ARID4B: variants seen among roughly 807,000 people sequenced by gnomAD.
ARID4B encodes AT-rich interactive domain-containing protein 4B.
In ARID4B, 26 loss-of-function variants were observed where a neutral mutation model predicts 147.5. The ratio of observed to expected loss-of-function variants is 0.18; its 90% CI spans 0.13 to 0.24. ARID4B has a LOEUF of 0.24. Ranked by LOEUF, ARID4B falls within the 10% of genes least tolerant of loss-of-function variation. ARID4B has a pLI of 1.00. For synonymous variants in ARID4B, 512 were observed against 507.9 expected, an observed-to-expected ratio of 1.01 and a Z score of -0.11; for missense variants, 1,179 against 1,511.5, an observed-to-expected ratio of 0.78 and a Z score of 3.65.
At chr1:235,325,516 A>C (rs1675167791) in intron 2 of ARID4B, among the ~76,000 whole-genome samples, 1 of 152,230 alleles carries the variant, frequency 6.6e-6, no homozygotes, top group African/African-American at 2.4e-5. Context: ...CATTTACTCC[A>C]AACTAAACCT....
intron 12 of ARID4B, 148 bp downstream of exon 12, chr1:235,224,555 A>AT: frequency 6.3e-6 from 4 of 639,774 alleles, no homozygotes; most frequent in Non-Finnish European, 1.1e-5. Context: ...GACAGGCGCT[A>AT]TGCTAGGTGC....
intron 2 of ARID4B, among the ~76,000 whole-genome samples, chr1:235,275,125 T>C (rs754783701): frequency 4.6e-5 from 7 of 152,124 alleles, no homozygotes; most frequent in Non-Finnish European, 1.0e-4. Flanking sequence ...ATCTTACAGA[T>C]GACCAAATTT....
intron 17 of ARID4B, among the ~76,000 whole-genome samples, chr1:235,210,401 A>G (rs566470781): frequency 6.6e-6 from 1 of 152,184 alleles, no homozygotes; most frequent in South Asian, 2.1e-4. Context: ...TTAAGTATAA[A>G]TTTAGAGATC....
intron 4 of ARID4B, among the ~76,000 whole-genome samples, chr1:235,256,916 C>T (rs569716246): frequency 6.2e-4 from 95 of 152,246 alleles, no homozygotes; most frequent in African/African-American, 2.2e-3. Context: ...GCATCTCATG[C>T]TGTCCCCAAG....
In ARID4B at chr1:235,282,188, T is replaced by C. The variant is rs558272307; in HGVS notation, c.7-21436A>G. Among the ~76,000 whole-genome samples, 59 of 152,370 alleles carry C rather than the reference T, an allele frequency of 3.9e-4. No individual in the cohort carries two copies. In the South Asian group the frequency reaches 0.011, roughly 27 times the overall value. On this transcript the variant is annotated intron_variant, in intron 2 of 23. Coordinates refer to ENST00000264183, the MANE Select transcript of ARID4B (RefSeq NM_016374.6). Reference sequence around the variant, plus strand: ...TGGTTAACCTAGTATCACTTGCTCATCCCTTAGCCCTGTGATACTTATGAA... The same window carrying C: ...TGGTTAACCTAGTATCACTTGCTCACCCCTTAGCCCTGTGATACTTATGAA...
At position 235,309,733 on chromosome 1, in the gene ARID4B, G is replaced by C. The variant is rs200540791; in HGVS notation, c.6+17181C>G. Among the ~76,000 whole-genome samples the C allele has an allele frequency of 3.9e-4, 59 of 152,140 alleles. 3 individuals are homozygous for C. The East Asian group carries it at 0.011, about 28-fold the overall frequency. On this transcript the variant is annotated intron_variant, in intron 2 of 23. Coordinates refer to ENST00000264183, the MANE Select transcript of ARID4B (RefSeq NM_016374.6). Reference sequence around the variant, plus strand: ...AATGGCGGTTTTGTGGAATAGAAAGGGGGGAAAGGTGGGGAAAAGATTGAG... The same window carrying C: ...AATGGCGGTTTTGTGGAATAGAAAGCGGGGAAAGGTGGGGAAAAGATTGAG...
chr1:235,197,750 A>C (rs1295215335), intron 17 of ARID4B, among the ~76,000 whole-genome samples: 3 of 152,224 alleles, frequency 2.0e-5, no homozygotes, highest in Non-Finnish European at 2.9e-5. Context: ...GTAGAAATAT[A>C]TGGTAAGTAC....
intron 17 of ARID4B, among the ~76,000 whole-genome samples, chr1:235,208,108 A>G (rs1017858834): frequency 6.6e-6 from 1 of 152,242 alleles, no homozygotes; most frequent in Admixed American, 6.5e-5. Context: ...GTTGGAAATG[A>G]GCGAGAAAAT....
At chr1:235,189,942 A>G (rs2102947164) in intron 19 of ARID4B, 1 of 154,476 alleles carries the variant, frequency 6.5e-6, no homozygotes, top group East Asian at 1.9e-4. Context: ...GAAATCATCA[A>G]GAAAATCATT....
chr1:235,287,012 C>A (rs1380423370), intron 2 of ARID4B, among the ~76,000 whole-genome samples: 2 of 152,194 alleles, frequency 1.3e-5, no homozygotes, highest in Admixed American at 6.5e-5. Flanking sequence ...GTAATCCCAG[C>A]ACTTTGGGAG....
chr1:235,211,112 T>C (rs922578473), intron 17 of ARID4B, among the ~76,000 whole-genome samples: 10 of 152,302 alleles, frequency 6.6e-5, no homozygotes, highest in African/African-American at 7.2e-5. Context: ...GGCAGGTGGA[T>C]CACCTGAGGT....
Position 235,209,563 on chromosome 1 carries a change from G to GTTTTTTTTTTT in ARID4B, c.1841+4205_1841+4206insAAAAAAAAAAA, listed in dbSNP as rs374681138. ...AAGAAAATTGATTTTTTTGTTTTTT[G>GTTTTTTTTTTT]TTTTGTTTTTTTTTTTTTGAGATGG... On this transcript the variant is annotated intron_variant, in intron 17 of 23. Transcript: ENST00000264183. Among the ~76,000 whole-genome samples, 3 of 137,160 alleles carry GTTTTTTTTTTT rather than the reference G, an allele frequency of 2.2e-5. 1 individual carries two copies. The highest frequency in any genetic ancestry group is 3.1e-5 in the Non-Finnish European group (2 of 63,968). 90.0% of individuals were successfully genotyped at this position (137,160 alleles called of 152,430 possible).
intron 17 of ARID4B, among the ~76,000 whole-genome samples, chr1:235,211,317 G>A (rs1369622181): frequency 1.3e-5 from 2 of 152,086 alleles, no homozygotes. Flanking sequence ...GGCATTAAGA[G>A]TGAAACTCCG....
chr1:235,253,674 A>G lies in ARID4B; in HGVS notation c.275-865T>C, dbSNP rs147058450. On this transcript the variant is annotated intron_variant, in intron 5 of 23. Coordinates refer to ENST00000264183, the MANE Select transcript of ARID4B (RefSeq NM_016374.6). ...TAAAGCACCCCAGCAAAACCACCAT[A>G]AGTTAACAGATATGGAATGTATGAC... 2.0e-4 allele frequency among the ~76,000 whole-genome samples: 30 copies of G among 152,274 alleles called. No individual in the cohort carries two copies. The East Asian group carries it at 5.8e-3, about 29-fold the overall frequency.
intron 19 of ARID4B, among the ~76,000 whole-genome samples, chr1:235,187,623 T>A (rs1394270291): frequency 6.6e-6 from 1 of 152,194 alleles, no homozygotes; most frequent in Non-Finnish European, 1.5e-5. Context: ...TCTAGTTTTA[T>A]TCCCAACCCA....
At chr1:235,266,272 C>A (rs1456552029) in intron 2 of ARID4B, among the ~76,000 whole-genome samples, 1 of 152,122 alleles carries the variant, frequency 6.6e-6, no homozygotes, top group East Asian at 1.9e-4. Context: ...AACTAAGATT[C>A]TTTTGACCAA....
At chr1:235,216,274 A>C (rs1029187350) in intron 16 of ARID4B, among the ~76,000 whole-genome samples, 2 of 152,004 alleles carry the variant, frequency 1.3e-5, no homozygotes, top group Non-Finnish European at 2.9e-5. Context: ...AACCTTCATG[A>C]AACCAGCTAT....
At chr1:235,221,713 A>G (rs756529087) in intron 13 of ARID4B, 51 bp from the exon 14 acceptor site, 151 of 1,026,932 alleles carry the variant, frequency 1.5e-4, no homozygotes, top group Non-Finnish European at 2.1e-4. Context: ...TGTTAATATA[A>G]TAACATTTTG....
chr1:235,254,738 C>T (rs777279425), intron 5 of ARID4B, among the ~76,000 whole-genome samples: 126 of 151,506 alleles, frequency 8.3e-4, no homozygotes, highest in Non-Finnish European at 1.4e-3. Flanking sequence ...TAAATCATCT[C>T]AAGAGAAAAA....
Sources: allele counts gnomAD v4.1 joint callset (sites outside exome capture counted in the v4.1 genomes callset), GRCh38; gene constraint gnomAD v4.1.1; transcripts MANE v1.5; gene names NCBI Gene and HGNC (gene_info 2026-07-23, HGNC 2026-07-21).